DACT2: variants seen among roughly 807,000 people sequenced by gnomAD.
DACT2 encodes dapper homolog 2.
Under a neutral mutation model 22.2 loss-of-function variants are expected in DACT2, and 20 were observed. That is an observed-to-expected ratio of 0.90 (90% CI 0.63 to 1.31). DACT2 has a LOEUF of 1.31. Ranked by LOEUF, DACT2 falls within the 50% of genes most tolerant of loss-of-function variation. The pLI is 0.00. For synonymous variants in DACT2, 463 were observed against 479.8 expected, an observed-to-expected ratio of 0.96 and a Z score of 0.46; for missense variants, 1,048 against 1,061.4, an observed-to-expected ratio of 0.99 and a Z score of 0.18.
intron 1 of DACT2, among the ~76,000 whole-genome samples, chr6:168,313,012 A>G (rs1318035629): frequency 1.3e-5 from 2 of 152,200 alleles, no homozygotes; most frequent in Non-Finnish European, 2.9e-5. Flanking sequence ...GGGCCTCCCA[A>G]CAACCTCCAA....
Position 168,313,232 on chromosome 6 carries a change from A to T in DACT2, c.247-1948T>A, listed in dbSNP as rs552939865. ...CTAAGTTTTTGTATTTTTAGTAGAG[A>T]CGGGGTTTCACCATGTTAGCCACGA... On this transcript the variant is annotated intron_variant, in intron 1 of 3. Transcript: ENST00000366795. Among the ~76,000 whole-genome samples the T allele has an allele frequency of 4.1e-4, 63 of 152,106 alleles. No individual in the cohort carries two copies. In the South Asian group the frequency reaches 0.013, roughly 31 times the overall value.
chr6:168,309,376 C>T (rs894765174), intron 3 of DACT2, among the ~76,000 whole-genome samples: 4 of 62,018 alleles, frequency 6.4e-5, no homozygotes, highest in Non-Finnish European at 9.3e-5. Context: ...TAGACACAGG[C>T]GTGGGGCCCG....
At chr6:168,294,567 G>GTATATATATATA (rs1249192925) in intron 4 of DACT2, 1 of 480,722 alleles carries the variant, frequency 2.1e-6, no homozygotes, top group African/African-American at 5.4e-5. Flanking sequence ...GTGTATGTGT[G>GTATATATATATA]TGTGTGTGTG....
chr6:168,294,777 T>A, intron 3 of DACT2: 1 of 645,352 alleles, frequency 1.5e-6, no homozygotes, highest in Non-Finnish European at 2.3e-6. Context: ...TCTGCGATTC[T>A]GCAGCTTCAA....
intron 1 of DACT2, among the ~76,000 whole-genome samples, chr6:168,318,011 C>T (rs560256819): frequency 3.7e-4 from 44 of 119,326 alleles, no homozygotes; most frequent in African/African-American, 1.1e-3. Flanking sequence ...CTGTGGCTGT[C>T]GTGTGCTGAG....
chr6:168,300,480 G>A (rs969235044), intron 3 of DACT2: 3 of 152,162 alleles, frequency 2.0e-5, no homozygotes, highest in African/African-American at 7.2e-5. Flanking sequence ...TGGGGTGAGG[G>A]GTGGCGATGG....
intron 2 of DACT2, 87 bp from the exon 3 acceptor site, chr6:168,310,533 T>C: frequency 6.7e-7 from 1 of 1,489,156 alleles, no homozygotes; most frequent in South Asian, 1.3e-5. Flanking sequence ...ACGGCACAGG[T>C]GGGCCCAGGG....
At position 168,308,356 on chromosome 6, in the gene DACT2, C is replaced by T. The variant is rs1451605820; in HGVS notation, c.1401G>A (p.Leu467=). The T allele has an allele frequency of 1.3e-6, 2 of 1,551,824 alleles. No homozygotes were observed. Among genetic ancestry groups the T allele is most frequent in the Non-Finnish European group, 1.7e-6 (2 of 1,147,048 alleles). The part of the protein sequence containing the change: ...RGNIISPSRM[L]DKSPSPASGH... ...CAGAGGCCGGTGAGGGGCTCTTGTC[C>T]AGCATCCTGGATGGGGATATGATGT... Residue 467 remains leucine (L), a synonymous_variant, in exon 4 of 4, where the codon CTG becomes CTA. Transcript: ENST00000366795.
chr6:168,312,003 G>C (rs1779432359), intron 1 of DACT2, among the ~76,000 whole-genome samples: 1 of 152,140 alleles, frequency 6.6e-6, no homozygotes, highest in South Asian at 2.1e-4. Flanking sequence ...TTTTCAAGAA[G>C]GTAAGAAAGT....
At chr6:168,298,658 A>G (rs1266819947) in intron 3 of DACT2, 1 of 152,254 alleles carries the variant, frequency 6.6e-6, no homozygotes, top group Non-Finnish European at 1.5e-5. Flanking sequence ...GCAATGACCT[A>G]GCGTAGCTAC....
chr6:168,297,355 C>T (rs751841368), intron 3 of DACT2, among the ~76,000 whole-genome samples: 2 of 152,084 alleles, frequency 1.3e-5, no homozygotes, highest in African/African-American at 4.8e-5. Flanking sequence ...CGGGTGGACC[C>T]AGTGTGATAA....
At chr6:168,305,117 G>A (rs2114899974), downstream of DACT2, among the ~76,000 whole-genome samples, 1 of 152,246 alleles carries the variant, frequency 6.6e-6, no homozygotes, top group East Asian at 1.9e-4. Flanking sequence ...AGAGAGAGAG[G>A]ATGGAGAGAC....
At position 168,319,612 on chromosome 6, in the gene DACT2, G is replaced by A. The variant is rs1376291368; in HGVS notation, c.22C>T (p.Pro8Ser). The A allele has an allele frequency of 4.6e-6, 6 of 1,315,608 alleles. No homozygotes were observed. Among genetic ancestry groups the A allele is most frequent in the Non-Finnish European group, 5.8e-6 (6 of 1,030,592 alleles). The allele number at this position is 1,315,608 out of a possible 1,614,324, so 81.5% of individuals were successfully genotyped here. A position where few individuals can be genotyped will look rare whatever the true frequency, so the allele number is the denominator to read the frequency against. MWTPGGP[P>S]GSAGWDRRRL... ...CGGCGGTCCCAGCCCGCGGACCCCG[G>A]GGGTCCGCCCGGCGTCCACATCTCC... Residue 8 changes from proline to serine, a missense_variant, in exon 1 of 4, where the codon CCG (proline) becomes TCG (serine). Transcript: ENST00000366795.
Position 168,319,478 on chromosome 6 carries a change from C to G in DACT2, c.156G>C (p.Pro52=). The G allele has an allele frequency of 3.3e-6, 4 of 1,201,976 alleles. No individual in the cohort carries two copies. In the South Asian group the frequency reaches 1.6e-4, roughly 50 times the overall value. 74.5% of individuals were successfully genotyped at this position (1,201,976 alleles called of 1,614,324 possible). Reference sequence around the variant, plus strand: ...GGCCGCAGGGCGCGGCGGGCGCGGGCGGGGGCTGCAGGGCCAGGGCGCCCC... The same window carrying G: ...GGCCGCAGGGCGCGGCGGGCGCGGGGGGGGGCTGCAGGGCCAGGGCGCCCC... ...RVRGALALQP[P]PAPAAPCGPH... Residue 52 remains proline, a synonymous_variant, in exon 1 of 4, where the codon CCG becomes CCC. Coordinates refer to ENST00000366795, the MANE Select transcript of DACT2 (RefSeq NM_214462.5).
intron 1 of DACT2, among the ~76,000 whole-genome samples, chr6:168,318,076 C>T (rs1183770683): frequency 6.9e-6 from 1 of 144,852 alleles, no homozygotes; most frequent in East Asian, 2.0e-4. Context: ...AACATCTCAG[C>T]AGCACCTCCC....
chr6:168,308,759 T>C lies in DACT2; in HGVS notation c.998A>G (p.Tyr333Cys). Reference sequence around the variant, plus strand: ...CCACAGATGCAGCAACCTGTCGATATAAGCTCTGGCCCTGGCCGGGCCAGC... The same window carrying C: ...CCACAGATGCAGCAACCTGTCGATACAAGCTCTGGCCCTGGCCGGGCCAGC... ...LEAGPARARA[Y>C]IDRLLHLWGR... Residue 333 changes from tyrosine to cysteine, a missense_variant, in exon 4 of 4, where the codon TAT (tyrosine) becomes TGT (cysteine). Transcript: ENST00000366795. 1 of 1,551,370 alleles carries C rather than the reference T, an allele frequency of 6.4e-7. No individual in the cohort carries two copies.
chr6:168,299,806 C>T (rs1779072958), intron 3 of DACT2: 1 of 152,334 alleles, frequency 6.6e-6, no homozygotes, highest in African/African-American at 2.4e-5. Context: ...GACGGTTCTA[C>T]AATAGCTTCT....
intron 4 of DACT2, chr6:168,294,559 GTA>G (rs1211054484): frequency 5.6e-5 from 37 of 657,782 alleles, no homozygotes; most frequent in African/African-American, 1.2e-4. Context: ...GTGTGTGTGT[GTA>G]TGTGTGTGTG....
exon 6 of DACT2, chr6:168,292,856 A>C (rs1778938114): frequency 6.6e-6 from 1 of 152,218 alleles, no homozygotes; most frequent in Admixed American, 6.5e-5. Flanking sequence ...ATTTATTGAA[A>C]TATAAGAAGA....
Sources: gnomAD v4.1 joint callset for allele counts (sites outside exome capture counted in the v4.1 genomes callset) on GRCh38, gnomAD v4.1.1 for gene constraint, MANE v1.5 for transcripts, NCBI Gene and HGNC (gene_info 2026-07-23, HGNC 2026-07-21) for gene names.